The following FUT8 variants were observed in gnomAD, a reference collection of about 807,000 sequenced individuals.
The protein encoded by FUT8 is fucosyltransferase 8, also known as alpha-(1,6)-fucosyltransferase.
Under a neutral mutation model 71.3 loss-of-function variants are expected in FUT8, and 29 were observed. That is an observed-to-expected ratio of 0.41 (90% confidence interval 0.30 to 0.55). The LOEUF (loss-of-function observed/expected upper bound fraction) is 0.55, where lower values mean the gene tolerates loss of function less well. Among genes scored for constraint, FUT8 ranks in the 20% least tolerant of loss-of-function variants. FUT8 has a pLI of 0.34. For synonymous variants in FUT8, 254 were observed against 239.3 expected (o/e 1.06, Z -0.57); for missense variants, 544 against 702.1 (o/e 0.77, Z 2.55).
At chr14:65,387,043 T>G in the FUT8 span, among the ~76,000 whole-genome samples, 1 of 152,116 alleles carries the variant, frequency 6.6e-6, no homozygotes, top group African/African-American at 2.4e-5. Flanking sequence ...GGTTTCACCA[T>G]GTTGGTCAGG....
At chr14:65,358,224 G>T in the FUT8 span, among the ~76,000 whole-genome samples, 1 of 152,150 alleles carries the variant, frequency 6.6e-6, no homozygotes, top group South Asian at 2.1e-4. Context: ...AATGTTTAAA[G>T]TGATGAGTAT....
intron 2 of FUT8, among the ~76,000 whole-genome samples, chr14:65,536,353 G>T (rs1320025318): frequency 1.3e-5 from 2 of 152,120 alleles, no homozygotes; most frequent in East Asian, 3.8e-4. Context: ...GTGTCACTTG[G>T]TCTGTGTACT....
chr14:65,593,341 A>G (rs1470989381), intron 3 of FUT8, among the ~76,000 whole-genome samples: 1 of 152,232 alleles, frequency 6.6e-6, no homozygotes, highest in Non-Finnish European at 1.5e-5. Flanking sequence ...AGGGGAATCT[A>G]CTGCATTCAT....
chr14:65,469,305 C>T (rs1405286903), intron 2 of FUT8, among the ~76,000 whole-genome samples: 1 of 152,034 alleles, frequency 6.6e-6, no homozygotes, highest in Non-Finnish European at 1.5e-5. Context: ...CTTTATAGTG[C>T]CTCATAATTT....
At chr14:65,538,439 A>G (rs934624648) in intron 2 of FUT8, among the ~76,000 whole-genome samples, 3 of 152,080 alleles carry the variant, frequency 2.0e-5, no homozygotes, top group Admixed American at 6.6e-5. Context: ...ATCTGCTAGA[A>G]GTGTATCAGT....
At chr14:65,582,887 C>G (rs1887166515) in intron 3 of FUT8, among the ~76,000 whole-genome samples, 1 of 152,160 alleles carries the variant, frequency 6.6e-6, no homozygotes, top group African/African-American at 2.4e-5. Flanking sequence ...TTTGTATTCT[C>G]AGGAGATAAC....
intron 2 of FUT8, among the ~76,000 whole-genome samples, chr14:65,561,134 T>C (rs1015754758): frequency 6.6e-6 from 1 of 152,194 alleles, no homozygotes; most frequent in Non-Finnish European, 1.5e-5. Flanking sequence ...TAGTCTGTTA[T>C]CTGGTAGAGC....
intron 2 of FUT8, among the ~76,000 whole-genome samples, chr14:65,479,390 G>A (rs1162454815): frequency 6.6e-6 from 1 of 152,158 alleles, no homozygotes; most frequent in East Asian, 1.9e-4. Context: ...AATTTACACG[G>A]TTACCTTTCT....
intron 1 of FUT8, among the ~76,000 whole-genome samples, chr14:65,435,917 C>T (rs1595372518): frequency 7.8e-6 from 1 of 128,066 alleles, no homozygotes; most frequent in African/African-American, 2.9e-5. Context: ...TTTAAGATAT[C>T]TTCCCTTTTT....
At chr14:65,534,553 T>TC (rs1048822845) in intron 2 of FUT8, among the ~76,000 whole-genome samples, 2 of 149,766 alleles carry the variant, frequency 1.3e-5, no homozygotes, top group African/African-American at 4.9e-5. Context: ...GTTTTTCTTT[T>TC]TTTTTTTTTT....
chr14:65,536,867 A>G (rs1308560088), intron 2 of FUT8, among the ~76,000 whole-genome samples: 2 of 151,224 alleles, frequency 1.3e-5, no homozygotes, highest in South Asian at 2.1e-4. Context: ...CAGTCTCCCC[A>G]TTTCTTTCAA....
rs1421873736 is a variant in FUT8, at chr14:65,643,917, T to G, written c.597+14311T>G. Among the ~76,000 whole-genome samples, 2 of 152,150 alleles carry G rather than the reference T, an allele frequency of 1.3e-5. No individual in the cohort carries two copies. Among genetic ancestry groups the G allele is most frequent in the Non-Finnish European group, 2.9e-5 (2 of 68,028 alleles). On this transcript the variant is annotated intron_variant, in intron 6 of 10. Transcript: ENST00000673929. This position sits in a 1 kb window ranked among gnomAD's most constrained non-coding sequence, Gnocchi z 4.5. ...TTTCTCTTTCTAGAAATATGCCTCA[T>G]TTTTTTCAAGAAATGGCAGGTTTCG...
the FUT8 span, among the ~76,000 whole-genome samples, chr14:65,368,739 T>G: frequency 6.6e-6 from 1 of 151,392 alleles, no homozygotes; most frequent in Non-Finnish European, 1.5e-5. Flanking sequence ...GCCAGGATGG[T>G]CTCGATCTCC....
chr14:65,638,674 G>T lies in FUT8; in HGVS notation c.597+9068G>T, dbSNP rs1264276336. Among the ~76,000 whole-genome samples, 1 of 152,042 alleles carries T rather than the reference G, an allele frequency of 6.6e-6. No individual in the cohort carries two copies. The highest frequency in any genetic ancestry group is 1.5e-5 in the Non-Finnish European group (1 of 68,020). The stretch of plus-strand genomic sequence containing the variant: ...TATGGAACCCCTCACTCCAACACAG[G>T]ATTTGCCTGATCTCATTTTTCTTTG... On this transcript the variant is annotated intron_variant, in intron 6 of 10. Transcript: ENST00000673929. This position sits in a 1 kb window ranked among gnomAD's most constrained non-coding sequence, Gnocchi z 4.5.
At chr14:65,456,398 G>A (rs1347330322) in intron 2 of FUT8, among the ~76,000 whole-genome samples, 1 of 152,134 alleles carries the variant, frequency 6.6e-6, no homozygotes, top group Non-Finnish European at 1.5e-5. Flanking sequence ...TCATGTTGCT[G>A]TGTGCATCAG....
At chr14:65,523,734 T>G (rs1883246292) in intron 2 of FUT8, among the ~76,000 whole-genome samples, 1 of 152,250 alleles carries the variant, frequency 6.6e-6, no homozygotes, top group Non-Finnish European at 1.5e-5. Flanking sequence ...TTAATCCATC[T>G]TGAATTAATT....
At chr14:65,738,331 A>C (rs894394657) in intron 10 of FUT8, among the ~76,000 whole-genome samples, 1 of 152,058 alleles carries the variant, frequency 6.6e-6, no homozygotes, top group African/African-American at 2.4e-5. Flanking sequence ...ATAAGATCCC[A>C]TCTACTCTGA....
At chr14:65,717,692 C>T (rs575005781) in intron 7 of FUT8, among the ~76,000 whole-genome samples, 1 of 146,744 alleles carries the variant, frequency 6.8e-6, no homozygotes, top group South Asian at 2.2e-4. Context: ...GGCAGAGATG[C>T]TCCTCACTTC....
rs1157940318 is a variant in FUT8 at position 65,556,474 on chromosome 14, A to AT, written c.-227-4862dup. 2.0e-5 allele frequency among the ~76,000 whole-genome samples: 3 copies of AT among 152,226 alleles called. No individual in the cohort carries two copies. In the East Asian group the frequency reaches 5.8e-4, roughly 29 times the overall value. On this transcript the variant is annotated intron_variant, in intron 2 of 10. Coordinates refer to ENST00000673929, the MANE Select transcript of FUT8 (RefSeq NM_001371533.1). Reference sequence around the variant, plus strand: ...CTCCTTTCCACATGGGCCTCTCAGCATGATGGCTGACAGTATGGTAGCTTG... The same window carrying AT: ...CTCCTTTCCACATGGGCCTCTCAGCATTGATGGCTGACAGTATGGTAGCTTG...
Sources: gnomAD v4.1 joint callset for allele counts (sites outside exome capture counted in the v4.1 genomes callset) on GRCh38, gnomAD v4.1.1 for gene constraint, Gnocchi (gnomAD v3.1) non-coding constraint, MANE v1.5 for transcripts, NCBI Gene and HGNC (gene_info 2026-07-23, HGNC 2026-07-21) for gene names.